USP37: variants seen among roughly 807,000 people sequenced by gnomAD.
The protein encoded by USP37 is ubiquitin specific peptidase 37, also known as ubiquitin carboxyl-terminal hydrolase 37.
Under a neutral mutation model 124.0 loss-of-function variants are expected in USP37, and 27 were observed. The observed-to-expected ratio is 0.22, with a 90% CI of 0.16 to 0.30. The LOEUF (loss-of-function observed/expected upper bound fraction) is 0.30. Among genes scored for constraint, USP37 ranks in the 10% least tolerant of loss-of-function variants. USP37 has a pLI of 1.00. For missense variants in USP37, 889 were observed against 1,140.4 expected (o/e 0.78, Z 3.17); for synonymous variants, 365 against 388.0 (o/e 0.94, Z 0.70).
At chr2:218,544,322 T>C (rs1225736656) in intron 8 of USP37, among the ~76,000 whole-genome samples, 5 of 144,348 alleles carry the variant, frequency 3.5e-5, no homozygotes, top group African/African-American at 5.3e-5. Flanking sequence ...GAGGTGGAGG[T>C]TGCAGTGAGC....
At chr2:218,486,773 T>G (rs1198516126) in intron 15 of USP37, among the ~76,000 whole-genome samples, 1 of 152,110 alleles carries the variant, frequency 6.6e-6, no homozygotes, top group Non-Finnish European at 1.5e-5. Context: ...TCGCCCAGGC[T>G]GGAGTGCAGT....
In USP37 at chr2:218,549,928, A is replaced by T. The variant is rs1574955491; in HGVS notation, c.329-19T>A. On this transcript the variant is annotated intron_variant, in intron 5 of 25. Transcript: ENST00000258399. Reference sequence around the variant, plus strand: ...TTCATGGCTGGTGACCAAAAATATAATTTTTTTTAAAATCCCCAAATCACT... The same window carrying T: ...TTCATGGCTGGTGACCAAAAATATATTTTTTTTTAAAATCCCCAAATCACT... The T allele has an allele frequency of 5.1e-6, 8 of 1,566,600 alleles. No individual in the cohort carries two copies. The East Asian group carries it at 9.2e-5, about 18-fold the overall frequency.
chr2:218,499,354 T>C (rs1444260187), intron 11 of USP37, among the ~76,000 whole-genome samples: 2 of 152,216 alleles, frequency 1.3e-5, no homozygotes, highest in African/African-American at 4.8e-5. Flanking sequence ...CAAAAATCTT[T>C]ACCTGGATTC....
intron 10 of USP37, among the ~76,000 whole-genome samples, chr2:218,523,846 C>A (rs1690801907): frequency 6.6e-6 from 1 of 152,196 alleles, no homozygotes; most frequent in Admixed American, 6.5e-5. Context: ...CTCTTTATTT[C>A]ATTTTCTTGT....
chr2:218,460,833 C>T (rs1417533777), intron 22 of USP37, among the ~76,000 whole-genome samples: 3 of 151,772 alleles, frequency 2.0e-5, no homozygotes, highest in Non-Finnish European at 4.4e-5. Context: ...CCCAGCTACT[C>T]GGGAAGCTGA....
At chr2:218,483,344 G>C (rs1691365861) in intron 16 of USP37, among the ~76,000 whole-genome samples, 1 of 152,154 alleles carries the variant, frequency 6.6e-6, no homozygotes, top group African/African-American at 2.4e-5. Context: ...CAAAATCACT[G>C]ATCTTCAAAG....
At chr2:218,501,643 T>C (rs1381847622) in intron 11 of USP37, among the ~76,000 whole-genome samples, 1 of 152,212 alleles carries the variant, frequency 6.6e-6, no homozygotes, top group Non-Finnish European at 1.5e-5. Context: ...ATTTGTGAAC[T>C]GCAATTCAGG....
At chr2:218,527,928 C>T (rs886350406) in intron 10 of USP37, among the ~76,000 whole-genome samples, 3 of 152,126 alleles carry the variant, frequency 2.0e-5, no homozygotes, top group Non-Finnish European at 4.4e-5. Context: ...ATGGGCTGGG[C>T]GCGGTCACTC....
At chr2:218,511,377 C>T (rs1193444314) in intron 10 of USP37, among the ~76,000 whole-genome samples, 5 of 152,100 alleles carry the variant, frequency 3.3e-5, no homozygotes, top group Admixed American at 6.5e-5. Flanking sequence ...GGCGCAATCT[C>T]GGCTCACTGC....
chr2:218,552,162 A>C (rs2106050680), intron 5 of USP37, among the ~76,000 whole-genome samples: 1 of 152,302 alleles, frequency 6.6e-6, no homozygotes, highest in Non-Finnish European at 1.5e-5. Flanking sequence ...ATGAACATAT[A>C]ATGAGTAGGT....
At chr2:218,484,889 A>G (rs1691472007) in intron 16 of USP37, among the ~76,000 whole-genome samples, 1 of 152,226 alleles carries the variant, frequency 6.6e-6, no homozygotes, top group Non-Finnish European at 1.5e-5. Context: ...CTGTAACCAC[A>G]TAATAATTTT....
At chr2:218,468,140 C>T (rs550502553) in intron 20 of USP37, among the ~76,000 whole-genome samples, 5 of 148,616 alleles carry the variant, frequency 3.4e-5, no homozygotes, top group African/African-American at 1.2e-4. Flanking sequence ...CCGCCCACCT[C>T]GGCCTCCCAA....
Position 218,457,311 on chromosome 2 carries a change from C to T in USP37, c.2644-150G>A, listed in dbSNP as rs1306972323. 4.5e-6 allele frequency: 3 copies of T among 659,774 alleles called. No homozygotes were observed. In the African/African-American group the frequency reaches 5.5e-5, roughly 12 times the overall value. 40.9% of individuals were successfully genotyped at this position (659,774 alleles called of 1,614,324 possible). ...AAAAAATCTGTTCATACCCTTTGAC[C>T]CAAGAATTCCACCCTCAACTAAGAA... On this transcript the variant is annotated intron_variant, in intron 23 of 25. Coordinates refer to ENST00000258399, the MANE Select transcript of USP37 (RefSeq NM_020935.3).
intron 24 of USP37, among the ~76,000 whole-genome samples, chr2:218,456,357 A>C (rs1336504813): frequency 6.6e-6 from 1 of 151,304 alleles, no homozygotes; most frequent in Non-Finnish European, 1.5e-5. Context: ...AGGCTGAGGG[A>C]GGAGGATCTC....
intron 9 of USP37, among the ~76,000 whole-genome samples, chr2:218,530,711 A>G (rs1691275121): frequency 6.6e-6 from 1 of 152,222 alleles, no homozygotes; most frequent in African/African-American, 2.4e-5. Flanking sequence ...GGCCTTTTGC[A>G]CCAAACAGCC....
At chr2:218,487,307 T>A (rs909811160) in intron 15 of USP37, among the ~76,000 whole-genome samples, 1 of 152,252 alleles carries the variant, frequency 6.6e-6, no homozygotes, top group African/African-American at 2.4e-5. Context: ...AAGAATATTT[T>A]CTTATTCTGC....
intron 20 of USP37, among the ~76,000 whole-genome samples, chr2:218,466,981 T>C (rs1212902062): frequency 1.3e-5 from 2 of 152,190 alleles, no homozygotes; most frequent in Non-Finnish European, 2.9e-5. Context: ...TCTGCCCGCC[T>C]TGGGCTCCCA....
At chr2:218,558,443 C>T in intron 4 of USP37, 55 bp downstream of exon 4, 2 of 1,534,218 alleles carry the variant, frequency 1.3e-6, no homozygotes, top group South Asian at 1.2e-5. Flanking sequence ...CACAGAATAG[C>T]TATTTACTAA....
At chr2:218,457,865 G>A (rs1689775259) in intron 23 of USP37, among the ~76,000 whole-genome samples, 1 of 151,720 alleles carries the variant, frequency 6.6e-6, no homozygotes, top group African/African-American at 2.4e-5. Context: ...GCCTAACACA[G>A]TGAAACCCTG....
Sources: gnomAD v4.1 joint callset for allele counts (sites outside exome capture counted in the v4.1 genomes callset) on GRCh38, gnomAD v4.1.1 for gene constraint, MANE v1.5 for transcripts, NCBI Gene and HGNC (gene_info 2026-07-23, HGNC 2026-07-21) for gene names.